ZNF671: variants seen among roughly 807,000 people sequenced by gnomAD.
ZNF671 encodes the protein hypothetical protein FLJ23506.
In ZNF671, 19 loss-of-function variants were observed where a neutral mutation model predicts 16.6. That is an observed-to-expected ratio of 1.14 (90% CI 0.80 to 1.68). The LOEUF (loss-of-function observed/expected upper bound fraction) is 1.68, where lower values mean the gene tolerates loss of function less well. ZNF671 is among the 40% of genes most tolerant of loss of function. The pLI is 0.00. For missense variants in ZNF671, 637 were observed against 659.8 expected, an observed-to-expected ratio of 0.97 and a Z score of 0.38; for synonymous variants, 238 against 236.3, an observed-to-expected ratio of 1.01 and a Z score of -0.06.
chr19:57,723,375 T>G, intron 1 of ZNF671, 35 bp from the exon 2 acceptor site: 1 of 1,570,858 alleles, frequency 6.4e-7, no homozygotes, highest in Non-Finnish European at 8.6e-7. Flanking sequence ...CCATAAAAAG[T>G]CTCTTGACCA....
chr19:57,721,080 TG>T lies in ZNF671; in HGVS notation c.1005del (p.His335GlnfsTer22). 6.2e-7 allele frequency: 1 copy of T among 1,614,208 alleles called. No homozygotes were observed. The highest frequency in any genetic ancestry group is 8.5e-7 in the Non-Finnish European group (1 of 1,180,028). ...CTGCACTCGTATGGCCTTTCTCCAG[TG>T]TGAACTGTCTGGTGTTTAAAGAGGT... ...SYDLFKHQTV[H>X]TGERPYECSE... is the part of the protein sequence containing the mutation. On this transcript the variant is annotated frameshift_variant, in exon 4 of 4. Transcript: ENST00000317398. LOFTEE classifies it low-confidence loss of function (END_TRUNC).
In ZNF671 at chr19:57,721,642, T is replaced by C; in HGVS notation, c.444A>G (p.Val148=). The change falls in exon 4 of 4, where the codon GTA becomes GTG. Residue 148 remains valine (V), a synonymous_variant. Coordinates refer to ENST00000317398, the MANE Select transcript of ZNF671 (RefSeq NM_024833.3). ...GAGTCCTGACCTCTGACACTCCTGC[T>C]ACAAAAATGCTCTGCTCAGAAGATA... ...EEVSSEQSIF[V]AGVSEVRTLM... is the part of the protein sequence containing the mutation. 6 of 1,614,036 alleles carry C rather than the reference T, an allele frequency of 3.7e-6. No homozygotes were observed. The highest frequency in any genetic ancestry group is 5.1e-6 in the Non-Finnish European group (6 of 1,179,966).
intron 1 of ZNF671, 108 bp downstream of exon 1, chr19:57,727,283 A>T (rs1600055408): frequency 7.0e-7 from 1 of 1,422,168 alleles, no homozygotes; most frequent in African/African-American, 1.5e-5. Flanking sequence ...CCGAGATAGG[A>T]CCCCGCCCCA....
In ZNF671 at chr19:57,721,210, T is replaced by G. The variant is rs1467101676; in HGVS notation, c.876A>C (p.Lys292Asn). 6.2e-7 allele frequency: 1 copy of G among 1,608,386 alleles called. No homozygotes were observed. Among genetic ancestry groups the G allele is most frequent in the Admixed American group, 1.7e-5 (1 of 59,838 alleles). Residue 292 changes from lysine to asparagine, a missense_variant, in exon 4 of 4, where the codon AAA (lysine) becomes AAC (asparagine). Lys to Asn is a moderately conservative substitution (Grantham distance 94, BLOSUM62 0). Transcript: ENST00000317398. ...CAAGTGTGTCTTTGCGGGTGAAGGC[T>G]TTCCCACATTCACCACACCTGTGAT... ...QRYHRCGECG[K>N]AFTRKDTLAR...
intron 1 of ZNF671, among the ~76,000 whole-genome samples, chr19:57,726,606 T>C (rs369971829): frequency 2.0e-5 from 3 of 152,056 alleles, no homozygotes; most frequent in East Asian, 3.9e-4. Context: ...ACTGCCCCAC[T>C]TAAATCTGAC....
At position 57,720,885 on chromosome 19, in the gene ZNF671, C is replaced by T. The variant is rs368814785; in HGVS notation, c.1201G>A (p.Glu401Lys). ...HTGARPYVCS[E>K]CGKEFSRKHT... The stretch of plus-strand genomic sequence containing the variant: ...TTCCGACTGAACTCTTTCCCACATT[C>T]GCTGCATACATAAGGCCTGGCTCCT... Residue 401 changes from glutamate to lysine, a missense_variant, in exon 4 of 4, where the codon GAA becomes AAA. Glu to Lys is a moderately conservative substitution (Grantham distance 56). Coordinates refer to ENST00000317398, the MANE Select transcript of ZNF671 (RefSeq NM_024833.3). 1.4e-5 allele frequency: 22 copies of T among 1,613,968 alleles called. No homozygotes were observed. Among genetic ancestry groups the T allele is most frequent in the Non-Finnish European group, 1.9e-5 (22 of 1,180,028 alleles).
chr19:57,720,393 T>C lies in ZNF671; in HGVS notation c.*88A>G. On this transcript the variant is annotated 3_prime_UTR_variant, in exon 4 of 4. Coordinates refer to ENST00000317398, the MANE Select transcript of ZNF671 (RefSeq NM_024833.3). ...CTCCAGGGGAAGGCTTTCCTGCATCTGCTGCACTCATTAACTACTGCTAGT... is the reference window on the plus strand; with the variant it reads ...CTCCAGGGGAAGGCTTTCCTGCATCCGCTGCACTCATTAACTACTGCTAGT... The C allele has an allele frequency of 6.6e-7, 1 of 1,519,694 alleles. No homozygotes were observed. The highest frequency in any genetic ancestry group is 8.8e-7 in the Non-Finnish European group (1 of 1,130,058). The allele number at this position is 1,519,694 out of a possible 1,614,324, so 94.1% of individuals were successfully genotyped here. A position where few individuals can be genotyped will look rare whatever the true frequency, so the allele number is the denominator to read the frequency against.
In ZNF671 at chr19:57,720,826, AGT is replaced by A; in HGVS notation, c.1258_1259del (p.Thr420TrpfsTer6). ...HTLVLHQRTH[T>X]GERPYECSEC... is the part of the protein sequence containing the mutation. ...CACTGCACTCATAAGGCCTTTCTCC[AGT>A]GTGAGTTCGTTGGTGCAGAACAAGT... On this transcript the variant is annotated frameshift_variant, in exon 4 of 4. Transcript: ENST00000317398. LOFTEE classifies it low-confidence loss of function (END_TRUNC). The A allele has an allele frequency of 1.9e-6, 3 of 1,614,224 alleles. No homozygotes were observed. Among genetic ancestry groups the A allele is most frequent in the South Asian group, 1.1e-5 (1 of 91,088 alleles).
intron 1 of ZNF671, chr19:57,727,145 C>T (rs1386292452): frequency 3.4e-5 from 14 of 407,114 alleles, no homozygotes; most frequent in Non-Finnish European, 5.2e-5. Context: ...CCATTCCAGT[C>T]ACAGTTCCTC....
Position 57,722,426 on chromosome 19 carries a change from G to GA in ZNF671, c.277dup (p.Ser93PhefsTer19). 1 of 1,613,820 alleles carries GA rather than the reference G, an allele frequency of 6.2e-7. No individual in the cohort carries two copies. On this transcript the variant is annotated frameshift_variant, in exon 3 of 4. Coordinates refer to ENST00000317398, the MANE Select transcript of ZNF671 (RefSeq NM_024833.3). LOFTEE classifies it high-confidence loss of function. ...TAGTTTCATGACTGCACGTGATCTGGAAAATGCAATTCCTAAGGGAAAGTC... is the reference window on the plus strand; with the variant it reads ...TAGTTTCATGACTGCACGTGATCTGGAAAAATGCAATTCCTAAGGGAAAGTC...
At chr19:57,727,249 G>T in intron 1 of ZNF671, 142 bp downstream of exon 1, 4 of 1,242,780 alleles carry the variant, frequency 3.2e-6, no homozygotes, top group Non-Finnish European at 4.3e-6. Context: ...CCCTCCGCCC[G>T]TAACTCTCCC....
Position 57,721,085 on chromosome 19 carries a change from A to C in ZNF671, c.1001T>G (p.Val334Gly). 2 of 1,614,040 alleles carry C rather than the reference A, an allele frequency of 1.2e-6. No individual in the cohort carries two copies. The highest frequency in any genetic ancestry group is 1.7e-6 in the Non-Finnish European group (2 of 1,180,028). The change falls in exon 4 of 4, where the codon GTT (valine) becomes GGT (glycine). Residue 334 changes from valine to glycine, a missense_variant. Coordinates refer to ENST00000317398, the MANE Select transcript of ZNF671 (RefSeq NM_024833.3). ...QSYDLFKHQT[V>G]HTGERPYECS... ...CTCGTATGGCCTTTCTCCAGTGTGA[A>C]CTGTCTGGTGTTTAAAGAGGTCATA...
rs1985793602 is a variant in ZNF671 at position 57,720,000 on chromosome 19, C to T, written c.*481G>A. On this transcript the variant is annotated 3_prime_UTR_variant, in exon 4 of 4. Coordinates refer to ENST00000317398, the MANE Select transcript of ZNF671 (RefSeq NM_024833.3). ...GTGGGCTGTGAGACCACTCACAACA[C>T]CTTTTAGGGACTGGGGAGAGAAGAG... 2 of 165,604 alleles carry T rather than the reference C, an allele frequency of 1.2e-5. No individual in the cohort carries two copies. Among genetic ancestry groups the T allele is most frequent in the Admixed American group, 1.1e-4 (2 of 18,244 alleles). 10.3% of individuals were successfully genotyped at this position (165,604 alleles called of 1,614,324 possible).
Position 57,721,210 on chromosome 19 carries a change from TTTCCCACA to T in ZNF671, c.868_875del (p.Cys290SerfsTer22). The T allele has an allele frequency of 6.2e-7, 1 of 1,608,386 alleles. No homozygotes were observed. The highest frequency in any genetic ancestry group is 1.1e-5 in the South Asian group (1 of 90,260). On this transcript the variant is annotated frameshift_variant, in exon 4 of 4. Transcript: ENST00000317398. LOFTEE classifies it low-confidence loss of function (END_TRUNC). The stretch of plus-strand genomic sequence containing the variant: ...CAAGTGTGTCTTTGCGGGTGAAGGC[TTTCCCACA>T]TTCACCACACCTGTGATACCTCTGT...
At chr19:57,724,022 G>A (rs527904468) in intron 1 of ZNF671, among the ~76,000 whole-genome samples, 8 of 143,010 alleles carry the variant, frequency 5.6e-5, no homozygotes, top group Admixed American at 2.9e-4. Flanking sequence ...CCAGTCTGGC[G>A]ACAGAGTGAG....
In ZNF671 at chr19:57,721,438, T is replaced by C; in HGVS notation, c.648A>G (p.Gly216=). 1 of 1,614,212 alleles carries C rather than the reference T, an allele frequency of 6.2e-7. No homozygotes were observed. The highest frequency in any genetic ancestry group is 8.5e-7 in the Non-Finnish European group (1 of 1,180,036). ...CCTCCTTCCTTGGGAAAAGTTTCCCTCCATTGGGCTGGTTCTGGTGCTGGT... is the reference window on the plus strand; with the variant it reads ...CCTCCTTCCTTGGGAAAAGTTTCCCCCCATTGGGCTGGTTCTGGTGCTGGT... ...DFDQHQNQPN[G]GKLFPRKEGR... Residue 216 remains glycine, a synonymous_variant, in exon 4 of 4, where the codon GGA becomes GGG. Transcript: ENST00000317398.
At position 57,727,585 on chromosome 19, in the gene ZNF671, C is replaced by A; in HGVS notation, c.-57G>T. ...CGGCCCACACAAGCGTTACAGAACC[C>A]CGGCCAGGGACAGCCTGACAGAAAC... is the stretch of plus-strand genomic sequence containing the variant. On this transcript the variant is annotated 5_prime_UTR_variant, in exon 1 of 4. Transcript: ENST00000317398. The A allele has an allele frequency of 1.3e-6, 2 of 1,557,956 alleles. No individual in the cohort carries two copies. Among genetic ancestry groups the A allele is most frequent in the Non-Finnish European group, 8.7e-7 (1 of 1,144,774 alleles).
rs780610981 is a variant in ZNF671 at position 57,721,615 on chromosome 19, G to A, written c.471C>T (p.Leu157=). The A allele has an allele frequency of 5.6e-6, 9 of 1,614,080 alleles. No individual in the cohort carries two copies. Among genetic ancestry groups the A allele is most frequent in the Non-Finnish European group, 7.6e-6 (9 of 1,180,036 alleles). Residue 157 remains leucine, a synonymous_variant, in exon 4 of 4, where the codon CTC becomes CTT. Coordinates refer to ENST00000317398, the MANE Select transcript of ZNF671 (RefSeq NM_024833.3). ...FVAGVSEVRT[L]MAELESHPCD... ...ATGGGTGAGACTCCAGCTCTGCCAT[G>A]AGAGTCCTGACCTCTGACACTCCTG... is the stretch of plus-strand genomic sequence containing the variant.
intron 2 of ZNF671, 57 bp from the exon 3 acceptor site, chr19:57,722,495 A>G (rs1395766175): frequency 5.0e-6 from 8 of 1,601,456 alleles, no homozygotes; most frequent in African/African-American, 1.3e-5. Flanking sequence ...AAACCACCCT[A>G]TGATGGACTT....
Sources: allele counts gnomAD v4.1 joint callset (sites outside exome capture counted in the v4.1 genomes callset), GRCh38; gene constraint gnomAD v4.1.1; transcripts MANE v1.5; gene names NCBI Gene and HGNC (gene_info 2026-07-23, HGNC 2026-07-21).